Variants in CNTNAP2 observed in about 807,000 individuals in gnomAD.
CNTNAP2 encodes contactin associated protein 2.
In CNTNAP2, 98 loss-of-function variants were observed where a neutral mutation model predicts 155.2. The ratio of observed to expected loss-of-function variants is 0.63; its 90% CI spans 0.54 to 0.75. The LOEUF is 0.75. Ranked by LOEUF, CNTNAP2 falls within the 30% of genes least tolerant of loss-of-function variation. The probability of loss-of-function intolerance (pLI) is 0.00; values close to 1 mark genes in which losing one functional copy is unlikely to be tolerated. For synonymous variants in CNTNAP2, 651 were observed against 631.2 expected (o/e 1.03, Z -0.47); for missense variants, 1,727 against 1,688.1 (o/e 1.02, Z -0.40).
intron 8 of CNTNAP2, among the ~76,000 whole-genome samples, chr7:147,209,116 T>C (rs1803083018): frequency 6.6e-6 from 1 of 152,100 alleles, no homozygotes; most frequent in Admixed American, 6.6e-5. Context: ...TTTCTAATTC[T>C]GTGAAAAATG....
chr7:147,536,157 AC>A (rs1453755257), intron 11 of CNTNAP2, among the ~76,000 whole-genome samples: 1 of 147,856 alleles, frequency 6.8e-6, no homozygotes, highest in African/African-American at 2.7e-5. Flanking sequence ...CTGAAATTTA[AC>A]ATGTTTCTTT....
intron 10 of CNTNAP2, among the ~76,000 whole-genome samples, chr7:147,441,857 C>CTCTCCT (rs1797645966): frequency 2.4e-5 from 3 of 127,426 alleles, no homozygotes; most frequent in Non-Finnish European, 1.6e-5. Context: ...CTCTCCCTCC[C>CTCTCCT]TCCCTCCCTC....
intron 14 of CNTNAP2, among the ~76,000 whole-genome samples, chr7:147,943,372 C>T (rs1205830542): frequency 6.6e-6 from 1 of 152,048 alleles, no homozygotes; most frequent in African/African-American, 2.4e-5. Context: ...GAATTTAAAC[C>T]AACAATTTTT....
rs909160446 is a variant in CNTNAP2, at chr7:146,217,012, C to T, written c.97+100039C>T. Among the ~76,000 whole-genome samples, 13 of 152,226 alleles carry T rather than the reference C, an allele frequency of 8.5e-5. 1 individual carries two copies. In the South Asian group the frequency reaches 1.5e-3, roughly 17 times the overall value. ...TTGCTCAAACATTTCATCAAAAGAACGTGAATATCATCAGTGCTACATTTT... is the reference window on the plus strand; with the variant it reads ...TTGCTCAAACATTTCATCAAAAGAATGTGAATATCATCAGTGCTACATTTT... On this transcript the variant is annotated intron_variant, in intron 1 of 23. Coordinates refer to ENST00000361727, the MANE Select transcript of CNTNAP2 (RefSeq NM_014141.6).
chr7:147,322,001 GC>G (rs915550971), intron 9 of CNTNAP2, among the ~76,000 whole-genome samples: 20 of 152,308 alleles, frequency 1.3e-4, no homozygotes, highest in Non-Finnish European at 7.4e-5. Context: ...CAAGGCTAAT[GC>G]AGTGTTCCAT....
At chr7:147,575,508 C>G (rs1800380836) in intron 12 of CNTNAP2, among the ~76,000 whole-genome samples, 1 of 29,620 alleles carries the variant, frequency 3.4e-5, no homozygotes. Flanking sequence ...TAGGGGTATA[C>G]AACTGTGTGT....
intron 12 of CNTNAP2, among the ~76,000 whole-genome samples, chr7:147,603,667 A>G (rs916931797): frequency 6.6e-6 from 1 of 152,208 alleles, no homozygotes; most frequent in South Asian, 2.1e-4. Flanking sequence ...TATAGATTCA[A>G]TGCCATCCCC....
intron 3 of CNTNAP2, among the ~76,000 whole-genome samples, chr7:147,012,511 G>A (rs1327870318): frequency 3.3e-5 from 5 of 152,188 alleles, no homozygotes; most frequent in Admixed American, 6.6e-5. Flanking sequence ...TAATATTAAG[G>A]AGTAAATTTT....
chr7:148,208,245 T>A (rs959848994), intron 18 of CNTNAP2, among the ~76,000 whole-genome samples: 2 of 152,206 alleles, frequency 1.3e-5, no homozygotes, highest in African/African-American at 4.8e-5. Flanking sequence ...TTTCTGCCTT[T>A]GAGTGACCAT....
At chr7:147,237,810 TA>T (rs539648813) in intron 8 of CNTNAP2, among the ~76,000 whole-genome samples, 291 of 152,308 alleles carry the variant, frequency 1.9e-3, no homozygotes, top group African/African-American at 6.6e-3. Context: ...ATGAAACAGT[TA>T]AAAAATATAC....
intron 1 of CNTNAP2, among the ~76,000 whole-genome samples, chr7:146,544,323 G>T (rs566061805): frequency 6.6e-6 from 1 of 151,818 alleles, no homozygotes; most frequent in African/African-American, 2.4e-5. Flanking sequence ...TACCTATTTA[G>T]GCATTTTACA....
At chr7:147,715,050 A>G (rs1283078466) in intron 13 of CNTNAP2, among the ~76,000 whole-genome samples, 1 of 152,088 alleles carries the variant, frequency 6.6e-6, no homozygotes, top group Non-Finnish European at 1.5e-5. Flanking sequence ...CCTGATATGC[A>G]TATACCACAG....
At chr7:147,016,210 C>G (rs1221929898) in intron 3 of CNTNAP2, among the ~76,000 whole-genome samples, 1 of 146,484 alleles carries the variant, frequency 6.8e-6, no homozygotes, top group Non-Finnish European at 1.5e-5. Context: ...GCGGAAGAAC[C>G]AGTGAGCACT....
intron 15 of CNTNAP2, among the ~76,000 whole-genome samples, chr7:148,029,457 C>T (rs1162419709): frequency 6.6e-6 from 1 of 152,136 alleles, no homozygotes; most frequent in Admixed American, 6.5e-5. Context: ...CTGGGACACT[C>T]TAGAGAAATG....
At chr7:147,148,389 CAAAA>C (rs5888239) in intron 8 of CNTNAP2, among the ~76,000 whole-genome samples, 2 of 81,708 alleles carry the variant, frequency 2.4e-5, no homozygotes, top group African/African-American at 4.8e-5. Context: ...GACTCCGTCT[CAAAA>C]AAAAAAAAAA....
At chr7:146,641,703 T>G (rs1315659276) in intron 1 of CNTNAP2, among the ~76,000 whole-genome samples, 1 of 152,202 alleles carries the variant, frequency 6.6e-6, no homozygotes, top group East Asian at 1.9e-4. Context: ...CTTAAGAGTT[T>G]CATGCAGGTG....
At chr7:146,173,495 T>C (rs183920596) in intron 1 of CNTNAP2, among the ~76,000 whole-genome samples, 393 of 152,240 alleles carry the variant, frequency 2.6e-3, no homozygotes, top group Non-Finnish European at 4.4e-3. Flanking sequence ...TTGTGTAGTT[T>C]ATAGCATAGT....
At chr7:146,173,719 T>G (rs1287423014) in intron 1 of CNTNAP2, among the ~76,000 whole-genome samples, 1 of 152,206 alleles carries the variant, frequency 6.6e-6, no homozygotes, top group Non-Finnish European at 1.5e-5. Context: ...AATTGCTCAG[T>G]ACTGTATGGT....
In CNTNAP2 at chr7:146,126,408, T is replaced by C. The variant is rs376204682; in HGVS notation, c.97+9435T>C. On this transcript the variant is annotated intron_variant, in intron 1 of 23. Transcript: ENST00000361727. The stretch of plus-strand genomic sequence containing the variant: ...AAATAAAGAGAGGAATGCAGCTCTT[T>C]CAATGGTAGCACATTAAATCATAAT... 2.6e-5 allele frequency among the ~76,000 whole-genome samples: 4 copies of C among 152,290 alleles called. No individual in the cohort carries two copies. The East Asian group carries it at 5.8e-4, about 22-fold the overall frequency.
Sources: gnomAD v4.1 joint callset for allele counts (sites outside exome capture counted in the v4.1 genomes callset) on GRCh38, gnomAD v4.1.1 for gene constraint, MANE v1.5 for transcripts, NCBI Gene and HGNC (gene_info 2026-07-23, HGNC 2026-07-21) for gene names.